The following APBB2 variants were observed in gnomAD, a reference collection of about 807,000 sequenced individuals.
The protein encoded by APBB2 is amyloid beta precursor protein binding family B member 2.
A neutral mutation model predicts 82.5 loss-of-function variants in APBB2; 38 were observed. That is an observed-to-expected ratio of 0.46 (90% CI 0.36 to 0.60). The LOEUF (loss-of-function observed/expected upper bound fraction) is 0.60. APBB2 is among the 20% of genes least tolerant of loss of function. The probability of loss-of-function intolerance (pLI) is 0.00; values close to 1 mark genes in which losing one functional copy is unlikely to be tolerated. For missense variants in APBB2, 772 were observed against 972.3 expected (o/e 0.79, Z 2.74); for synonymous variants, 341 against 368.2 (o/e 0.93, Z 0.85).
intron 6 of APBB2, among the ~76,000 whole-genome samples, chr4:40,966,554 G>A (rs1487557407): frequency 1.3e-5 from 2 of 152,222 alleles, no homozygotes; most frequent in Non-Finnish European, 2.9e-5. Flanking sequence ...AAAGCCCCCT[G>A]CCCCTGCAGG....
At chr4:41,113,684 G>A (rs1749985577) in intron 2 of APBB2, among the ~76,000 whole-genome samples, 1 of 152,176 alleles carries the variant, frequency 6.6e-6, no homozygotes, top group African/African-American at 2.4e-5. Flanking sequence ...CTAATATTAA[G>A]TAATATTTGG....
rs564053081 is a variant in APBB2, at chr4:41,160,288, T to G, written c.-416-17146A>C. On this transcript the variant is annotated intron_variant, in intron 1 of 17. Coordinates refer to ENST00000508593, the MANE Select transcript of APBB2 (RefSeq NM_004307.2). ...GGAAGCCCATAGCTTATGAAGTGAT[T>G]AGTCAGAGTGCTTGAAGAACACCAT... 3.9e-5 allele frequency among the ~76,000 whole-genome samples: 6 copies of G among 152,266 alleles called. No homozygotes were observed. In the South Asian group the frequency reaches 1.2e-3, roughly 32 times the overall value.
intron 12 of APBB2, among the ~76,000 whole-genome samples, chr4:40,876,522 G>C (rs1266930249): frequency 6.6e-6 from 1 of 152,188 alleles, no homozygotes; most frequent in East Asian, 1.9e-4. Context: ...GCACGTTGCT[G>C]TATATACCGT....
chr4:40,922,128 A>G (rs1448806167), intron 10 of APBB2, among the ~76,000 whole-genome samples: 2 of 152,208 alleles, frequency 1.3e-5, no homozygotes, highest in African/African-American at 4.8e-5. Context: ...GAAATTATTT[A>G]TGTGTTAGGG....
intron 12 of APBB2, among the ~76,000 whole-genome samples, chr4:40,853,170 G>T (rs1160041548): frequency 6.6e-6 from 1 of 151,864 alleles, no homozygotes; most frequent in Non-Finnish European, 1.5e-5. Context: ...TTCTCTTCAT[G>T]CCCTCTGCCA....
intron 13 of APBB2, among the ~76,000 whole-genome samples, chr4:40,829,294 C>A (rs1437652021): frequency 6.6e-6 from 1 of 152,140 alleles, no homozygotes; most frequent in Non-Finnish European, 1.5e-5. Flanking sequence ...CTGGGGGATC[C>A]AACCAGAGAG....
At chr4:40,885,759 G>A (rs1400978517) in intron 12 of APBB2, among the ~76,000 whole-genome samples, 2 of 152,158 alleles carry the variant, frequency 1.3e-5, no homozygotes, top group African/African-American at 4.8e-5. Context: ...GTTTACTAAT[G>A]ACAGCAATAT....
In APBB2 at chr4:40,833,066, A is replaced by T. The variant is rs75283595; in HGVS notation, c.1530-2489T>A. On this transcript the variant is annotated intron_variant, in intron 12 of 17. Transcript: ENST00000508593. Reference sequence around the variant, plus strand: ...AACCACCATCAAGGCAACACATAAGAAATGGACAGAAGACATCCCTTTTGG... The same window carrying T: ...AACCACCATCAAGGCAACACATAAGTAATGGACAGAAGACATCCCTTTTGG... 5.3e-3 allele frequency among the ~76,000 whole-genome samples: 814 copies of T among 152,280 alleles called. 10 individuals are homozygous for T. The highest frequency in any genetic ancestry group is 0.018 in the African/African-American group (765 of 41,554).
chr4:40,835,486 T>C (rs78771029), intron 12 of APBB2, among the ~76,000 whole-genome samples: 362 of 152,170 alleles, frequency 2.4e-3, no homozygotes, highest in South Asian at 0.017. Flanking sequence ...TCAAAGAACA[T>C]TGAAACAGGT....
At chr4:41,047,980 A>C (rs542119333) in intron 4 of APBB2, among the ~76,000 whole-genome samples, 1 of 152,324 alleles carries the variant, frequency 6.6e-6, no homozygotes, top group Admixed American at 6.5e-5. Flanking sequence ...TTTTTGTGAT[A>C]TGTCTAACAT....
intron 12 of APBB2, among the ~76,000 whole-genome samples, chr4:40,871,029 T>C (rs1431227621): frequency 1.3e-5 from 2 of 151,626 alleles, no homozygotes; most frequent in Non-Finnish European, 2.9e-5. Context: ...TGTGTAAGTG[T>C]CTCTCAGAAG....
At chr4:41,198,552 A>G in intron 1 of APBB2, among the ~76,000 whole-genome samples, 3 of 152,174 alleles carry the variant, frequency 2.0e-5, no homozygotes, top group Admixed American at 1.3e-4. Context: ...CTGTGGCACC[A>G]TGAGGTTCAG....
At chr4:40,845,599 A>AAC (rs1272197369) in intron 12 of APBB2, among the ~76,000 whole-genome samples, 21 of 148,056 alleles carry the variant, frequency 1.4e-4, no homozygotes, top group Non-Finnish European at 2.2e-4. Flanking sequence ...AAAAAAAAAA[A>AAC]AAAAAAAAAA....
intron 10 of APBB2, among the ~76,000 whole-genome samples, chr4:40,923,346 G>C (rs1015560161): frequency 1.1e-4 from 17 of 152,194 alleles, no homozygotes; most frequent in Non-Finnish European, 1.9e-4. Context: ...CCAGTATCTG[G>C]CATTAAGCTC....
chr4:40,981,359 C>G (rs924489993), intron 6 of APBB2, among the ~76,000 whole-genome samples: 2 of 149,758 alleles, frequency 1.3e-5, no homozygotes, highest in African/African-American at 4.9e-5. Context: ...TCTGGCCTGG[C>G]GACAGAGTGA....
chr4:41,092,516 T>G (rs937312436), intron 3 of APBB2, among the ~76,000 whole-genome samples: 2 of 151,952 alleles, frequency 1.3e-5, no homozygotes, highest in Non-Finnish European at 2.9e-5. Context: ...TAGTGAAACC[T>G]CGTCTCCACT....
At chr4:40,962,303 T>C (rs1176630935) in intron 6 of APBB2, among the ~76,000 whole-genome samples, 2 of 152,160 alleles carry the variant, frequency 1.3e-5, no homozygotes, top group African/African-American at 4.8e-5. Flanking sequence ...TGAGCCAAAA[T>C]TCCAGGAAAG....
At chr4:41,045,207 A>T (rs1219804523) in intron 4 of APBB2, among the ~76,000 whole-genome samples, 1 of 151,972 alleles carries the variant, frequency 6.6e-6, no homozygotes, top group Non-Finnish European at 1.5e-5. Context: ...ATTCAGACTT[A>T]CGCTGCTCTT....
rs1256460307 is a variant in APBB2, at chr4:40,814,683, T to C, written c.*1409A>G. On this transcript the variant is annotated 3_prime_UTR_variant, in exon 18 of 18. Transcript: ENST00000508593. ...GACATTAAGAAGAAGTAAACAAGAC[T>C]AATATTGAGATTGATCGCCTTAGCA... The C allele has an allele frequency of 2.0e-5, 3 of 152,254 alleles. No homozygotes were observed. The highest frequency in any genetic ancestry group is 4.4e-5 in the Non-Finnish European group (3 of 68,044). 9.4% of individuals were successfully genotyped at this position (152,254 alleles called of 1,614,324 possible). A position where few individuals can be genotyped will look rare whatever the true frequency, so the allele number is the denominator to read the frequency against.
Sources: gnomAD v4.1 joint callset for allele counts (sites outside exome capture counted in the v4.1 genomes callset) on GRCh38, gnomAD v4.1.1 for gene constraint, MANE v1.5 for transcripts, NCBI Gene and HGNC (gene_info 2026-07-23, HGNC 2026-07-21) for gene names.